The following CREBRF variants were observed in gnomAD, a reference collection of about 807,000 sequenced individuals.
CREBRF encodes the protein UPF0474 protein C5orf41.
CREBRF carries 5 observed loss-of-function variants against 66.1 expected under a neutral mutation model. The observed-to-expected ratio is 0.08, with a 90% CI of 0.04 to 0.16. The LOEUF (loss-of-function observed/expected upper bound fraction) is 0.16, where lower values mean the gene tolerates loss of function less well. CREBRF is among the 10% of genes least tolerant of loss of function. The pLI is 1.00. For missense variants in CREBRF, 531 were observed against 744.9 expected (o/e 0.71, Z 3.34); for synonymous variants, 229 against 264.4 (o/e 0.87, Z 1.30).
chr5:173,066,808 C>CTTTTTTTTTTTTTTTTTTTTTTTTT (rs34093582), intron 1 of CREBRF, among the ~76,000 whole-genome samples: 1 of 63,032 alleles, frequency 1.6e-5, no homozygotes, highest in Non-Finnish European at 2.8e-5. Context: ...TTCATTGAAT[C>CTTTTTTTTTTTTTTTTTTTTTTTTT]TTTTTTTTTT....
rs1464595266 is a variant in CREBRF at position 173,136,795 on chromosome 5, A to G, written c.*3050A>G. On this transcript the variant is annotated 3_prime_UTR_variant, in exon 9 of 9. Transcript: ENST00000296953. ...CATGTATTTTTGGGTGAAGATCATT[A>G]GAGAAGAGTTCTCTAAAGGTTTTCT... 5 of 152,484 alleles carry G rather than the reference A, an allele frequency of 3.3e-5. No homozygotes were observed. Among genetic ancestry groups the G allele is most frequent in the African/African-American group, 1.2e-4 (5 of 41,442 alleles). 9.4% of individuals were successfully genotyped at this position (152,484 alleles called of 1,614,324 possible).
At position 173,110,575 on chromosome 5, in the gene CREBRF, A is replaced by C. The variant is rs1278655834; in HGVS notation, c.1471A>C (p.Asn491His). 6.2e-7 allele frequency: 1 copy of C among 1,614,046 alleles called. No homozygotes were observed. The highest frequency in any genetic ancestry group is 1.1e-5 in the South Asian group (1 of 91,070). Residue 491 changes from asparagine to histidine, a missense_variant, in exon 6 of 9, where the codon AAT (asparagine) becomes CAT (histidine). Asn to His is a moderately conservative substitution (Grantham distance 68). Around this residue, in one of 5 missense-constraint regions of CREBRF, gnomAD observed 25 missense variants for 55.3 expected, o/e 0.45. Coordinates refer to ENST00000296953, the MANE Select transcript of CREBRF (RefSeq NM_153607.3). ...RRTDVEDLTP[N>H]PKKLLQIGNE... ...AACTGATGTAGAAGACCTGACTCCAAATCCTAAAAAACTCCTCCAGATAGG... is the reference window on the plus strand; with the variant it reads ...AACTGATGTAGAAGACCTGACTCCACATCCTAAAAAACTCCTCCAGATAGG...
chr5:173,110,544 A>T lies in CREBRF; in HGVS notation c.1440A>T (p.Ser480=), dbSNP rs1378747252. The T allele has an allele frequency of 6.2e-7, 1 of 1,613,396 alleles. No homozygotes were observed. The highest frequency in any genetic ancestry group is 2.2e-5 in the East Asian group (1 of 44,898). The change falls in exon 6 of 9, where the codon TCA becomes TCT. Residue 480 remains serine (S), a synonymous_variant. Transcript: ENST00000296953. ...TAGGAAAATATGCAGTAAAGAAGTC[A>T]CGGAGAACTGATGTAGAAGACCTGA... ...LHHGKYAVKK[S]RRTDVEDLTP...
At chr5:173,109,547 A>G (rs1226528849) in intron 5 of CREBRF, 3 of 152,192 alleles carry the variant, frequency 2.0e-5, no homozygotes, top group African/African-American at 7.2e-5. Flanking sequence ...GCTGTGATTA[A>G]GTAGAATTTA....
At position 173,123,146 on chromosome 5, in the gene CREBRF, A is replaced by G; in HGVS notation, c.1748A>G (p.Asp583Gly). ...GTAAACCGGGTACAGAATCCAAGAG[A>G]TGAGAGAGGACCCAACATGGGGCAG... is the stretch of plus-strand genomic sequence containing the variant. ...EIVNRVQNPR[D>G]ERGPNMGQKL... Residue 583 changes from aspartate to glycine, a missense_variant, in exon 8 of 9, where the codon GAT (aspartate) becomes GGT (glycine). Physicochemically the swap from Asp to Gly is moderately conservative, Grantham distance 94. Coordinates refer to ENST00000296953, the MANE Select transcript of CREBRF (RefSeq NM_153607.3). 2 of 1,606,184 alleles carry G rather than the reference A, an allele frequency of 1.2e-6. No individual in the cohort carries two copies. Among genetic ancestry groups the G allele is most frequent in the African/African-American group, 2.7e-5 (2 of 74,450 alleles).
At chr5:173,129,885 G>A (rs1157080459) in intron 8 of CREBRF, among the ~76,000 whole-genome samples, 1 of 151,986 alleles carries the variant, frequency 6.6e-6, no homozygotes, top group Non-Finnish European at 1.5e-5. Context: ...GGAGTGTAAT[G>A]GAGTGATCTC....
intron 1 of CREBRF, among the ~76,000 whole-genome samples, chr5:173,062,109 G>A (rs1407600611): frequency 2.0e-5 from 3 of 152,264 alleles, no homozygotes; most frequent in Non-Finnish European, 4.4e-5. Flanking sequence ...CATCTCACAA[G>A]GGGATACTGG....
intron 2 of CREBRF, chr5:173,085,518 G>T: frequency 1.9e-6 from 1 of 535,788 alleles, no homozygotes; most frequent in Non-Finnish European, 3.3e-6. Flanking sequence ...CCAGGTTCAA[G>T]CGATTCTCCT....
chr5:173,088,706 C>T (rs996405621), intron 3 of CREBRF, among the ~76,000 whole-genome samples: 13 of 151,642 alleles, frequency 8.6e-5, no homozygotes, highest in African/African-American at 2.7e-4. Context: ...ACTTAAAATT[C>T]AGAAGAAAAA....
intron 8 of CREBRF, 66 bp from the exon 9 acceptor site, chr5:173,133,564 C>T: frequency 1.2e-6 from 1 of 850,268 alleles, no homozygotes; most frequent in South Asian, 1.6e-5. Flanking sequence ...TTTTTACCAG[C>T]TCCTTCCCTT....
intron 5 of CREBRF, 31 bp downstream of exon 5, chr5:173,108,849 G>T: frequency 6.3e-7 from 1 of 1,585,364 alleles, no homozygotes; most frequent in Middle Eastern, 1.7e-4. Context: ...GATATTTAGT[G>T]TCACTTTAAT....
At chr5:173,092,542 TC>T (rs1758375032) in intron 4 of CREBRF, among the ~76,000 whole-genome samples, 1 of 152,192 alleles carries the variant, frequency 6.6e-6, no homozygotes. Context: ...ACTAAAGTTA[TC>T]TTCTTCAAAA....
chr5:173,102,407 G>C (rs1758648532), intron 4 of CREBRF, among the ~76,000 whole-genome samples: 1 of 152,104 alleles, frequency 6.6e-6, no homozygotes, highest in African/African-American at 2.4e-5. Context: ...GAGGTTCTGG[G>C]TGGGCTTGCT....
chr5:173,058,761 A>C (rs1415233141), intron 1 of CREBRF, among the ~76,000 whole-genome samples: 5 of 141,486 alleles, frequency 3.5e-5, no homozygotes, highest in Non-Finnish European at 6.0e-5. Flanking sequence ...CTGGGATTAC[A>C]GGCGTGAGCC....
intron 4 of CREBRF, among the ~76,000 whole-genome samples, chr5:173,101,077 C>T (rs759328387): frequency 6.6e-6 from 1 of 151,806 alleles, no homozygotes; most frequent in African/African-American, 2.4e-5. Context: ...TTGTTTTTTT[C>T]TCTGAGACAG....
intron 4 of CREBRF, among the ~76,000 whole-genome samples, chr5:173,100,133 T>A (rs1758591198): frequency 1.5e-5 from 2 of 130,462 alleles, no homozygotes; most frequent in Admixed American, 8.2e-5. Context: ...TATATATAAT[T>A]TTTTTTTTTT....
At chr5:173,068,938 G>A (rs951612344) in intron 1 of CREBRF, among the ~76,000 whole-genome samples, 1 of 152,026 alleles carries the variant, frequency 6.6e-6, no homozygotes, top group African/African-American at 2.4e-5. Flanking sequence ...TGAGCGTGGT[G>A]GCGTGCACCT....
At chr5:173,107,817 ATTT>A (rs559120882) in intron 4 of CREBRF, among the ~76,000 whole-genome samples, 14 of 121,842 alleles carry the variant, frequency 1.1e-4, no homozygotes, top group East Asian at 4.8e-4. Context: ...TCTCTACAAA[ATTT>A]TTTTTTTTTT....
At chr5:173,110,204 T>C in intron 5 of CREBRF, 1 of 388,490 alleles carries the variant, frequency 2.6e-6, no homozygotes. Context: ...ATACTCATCC[T>C]GAGATTTGAG....
Sources: gnomAD v4.1 joint callset for allele counts (sites outside exome capture counted in the v4.1 genomes callset) on GRCh38, gnomAD v4.1.1 for gene constraint, gnomAD v4.1.1 regional missense constraint, MANE v1.5 for transcripts, NCBI Gene and HGNC (gene_info 2026-07-23, HGNC 2026-07-21) for gene names.